Variants in GRM5 observed in about 807,000 individuals in gnomAD.
GRM5 encodes glutamate metabotropic receptor 5.
In GRM5, 19 loss-of-function variants were observed where a neutral mutation model predicts 83.1. The observed-to-expected ratio is 0.23, with a 90% CI of 0.16 to 0.34. GRM5 has a LOEUF of 0.34. GRM5 is among the 10% of genes least tolerant of loss of function. The pLI is 1.00. For missense variants in GRM5, 1,160 were observed against 1,588.3 expected (o/e 0.73, Z 4.58); for synonymous variants, 675 against 633.6 (o/e 1.07, Z -0.98).
intron 2 of GRM5, among the ~76,000 whole-genome samples, chr11:88,883,822 C>A (rs886222483): frequency 6.6e-6 from 1 of 152,038 alleles, no homozygotes; most frequent in Non-Finnish European, 1.5e-5. Flanking sequence ...CAGCCCCAAG[C>A]CTTGGCAACT....
In GRM5 at chr11:88,509,444, C is replaced by T. The variant is rs1200014113; in HGVS notation, c.2787G>A (p.Leu929=). ...QNEKSSRGQH[L]WQRLSIHINK... ...TGATGTGGATGGACAGGCGCTGCCA[C>T]AGGTGCTGCCCCCGGCTGCTCTTCT... is the stretch of plus-strand genomic sequence containing the variant. Residue 929 remains leucine, a synonymous_variant, in exon 10 of 10, where the codon CTG becomes CTA. Transcript: ENST00000305447. 6.2e-7 allele frequency: 1 copy of T among 1,612,858 alleles called. No individual in the cohort carries two copies. The highest frequency in any genetic ancestry group is 1.7e-5 in the Admixed American group (1 of 59,998).
intron 2 of GRM5, among the ~76,000 whole-genome samples, chr11:89,029,835 G>C (rs1216559518): frequency 6.6e-6 from 1 of 152,178 alleles, no homozygotes; most frequent in Non-Finnish European, 1.5e-5. Flanking sequence ...TCACGGTAAG[G>C]TGGTTAGCTG....
chr11:88,611,330 G>C (rs1424762500), intron 4 of GRM5, among the ~76,000 whole-genome samples: 1 of 152,110 alleles, frequency 6.6e-6, no homozygotes, highest in Non-Finnish European at 1.5e-5. Flanking sequence ...ATTTGGCTTT[G>C]ATTCTATTGG....
At chr11:89,019,759 G>A (rs1210402786) in intron 2 of GRM5, among the ~76,000 whole-genome samples, 1 of 151,966 alleles carries the variant, frequency 6.6e-6, no homozygotes, top group Non-Finnish European at 1.5e-5. Flanking sequence ...CCCAAATTTC[G>A]GAGTGGAAGG....
At position 88,912,221 on chromosome 11, in the gene GRM5, A is replaced by G. The variant is rs185225264; in HGVS notation, c.662-62066T>C. On this transcript the variant is annotated intron_variant, in intron 2 of 9. Coordinates refer to ENST00000305447, the MANE Select transcript of GRM5 (RefSeq NM_001143831.3). Reference sequence around the variant, plus strand: ...TTCCGCATCAAGATAATACATTTTTAAAAATGTACATACTTTGGTATAACT... The same window carrying G: ...TTCCGCATCAAGATAATACATTTTTGAAAATGTACATACTTTGGTATAACT... 4.6e-3 allele frequency: 869 copies of G among 187,818 alleles called. 3 individuals are homozygous for G. The highest frequency in any genetic ancestry group is 0.013 in the Middle Eastern group (9 of 670). 11.6% of individuals were successfully genotyped at this position (187,818 alleles called of 1,614,324 possible).
chr11:88,550,791 G>C (rs1942490105), intron 8 of GRM5, among the ~76,000 whole-genome samples: 1 of 152,092 alleles, frequency 6.6e-6, no homozygotes, highest in African/African-American at 2.4e-5. Flanking sequence ...TCTCAATACT[G>C]ACATTTCATT....
At chr11:88,798,147 T>A (rs1175916686) in intron 3 of GRM5, among the ~76,000 whole-genome samples, 1 of 152,210 alleles carries the variant, frequency 6.6e-6, no homozygotes, top group Non-Finnish European at 1.5e-5. Context: ...ATGGAAATTA[T>A]CTTTCTGAGA....
intron 3 of GRM5, among the ~76,000 whole-genome samples, chr11:88,844,451 C>T (rs530610955): frequency 5.9e-5 from 9 of 151,936 alleles, no homozygotes; most frequent in Non-Finnish European, 1.2e-4. Flanking sequence ...ATGTGCCCGG[C>T]CAGCCAGGAG....
At chr11:88,686,275 T>G (rs1243479861) in intron 3 of GRM5, among the ~76,000 whole-genome samples, 8 of 152,170 alleles carry the variant, frequency 5.3e-5, no homozygotes, top group Admixed American at 5.2e-4. Context: ...GCATCGGCCC[T>G]GTAACCACTT....
intron 5 of GRM5, among the ~76,000 whole-genome samples, chr11:88,598,445 T>A (rs1363613613): frequency 6.6e-6 from 1 of 152,202 alleles, no homozygotes; most frequent in East Asian, 1.9e-4. Flanking sequence ...GTAGTTTTTT[T>A]TTTTCTTCAG....
At chr11:89,014,204 C>T (rs1940788380) in intron 2 of GRM5, among the ~76,000 whole-genome samples, 1 of 152,072 alleles carries the variant, frequency 6.6e-6, no homozygotes, top group Non-Finnish European at 1.5e-5. Context: ...CTTTTCTTTT[C>T]ACAATTGTTG....
intron 2 of GRM5, among the ~76,000 whole-genome samples, chr11:88,872,931 A>G (rs1944794305): frequency 1.1e-5 from 1 of 87,716 alleles, no homozygotes; most frequent in African/African-American, 4.3e-5. Context: ...AATGAATTAA[A>G]AAAAAAAAGA....
intron 4 of GRM5, among the ~76,000 whole-genome samples, chr11:88,607,383 T>C (rs1938183589): frequency 6.6e-6 from 1 of 152,182 alleles, no homozygotes; most frequent in African/African-American, 2.4e-5. Context: ...TTAGACTACT[T>C]AGCACTAATC....
At chr11:88,595,483 A>C (rs1223510419) in intron 6 of GRM5, among the ~76,000 whole-genome samples, 1 of 152,144 alleles carries the variant, frequency 6.6e-6, no homozygotes, top group East Asian at 1.9e-4. Context: ...TTGCACATAT[A>C]AGTGAGAACA....
intron 3 of GRM5, among the ~76,000 whole-genome samples, chr11:88,786,482 G>T (rs1024211207): frequency 6.6e-6 from 1 of 152,032 alleles, no homozygotes; most frequent in Non-Finnish European, 1.5e-5. Flanking sequence ...ACTCTCTTTA[G>T]CTTTTTGAAC....
At chr11:88,519,210 G>C (rs1363689764) in intron 9 of GRM5, among the ~76,000 whole-genome samples, 3 of 151,670 alleles carry the variant, frequency 2.0e-5, no homozygotes, top group African/African-American at 7.3e-5. Flanking sequence ...AAGATGGATA[G>C]AAAGAGAAAT....
At chr11:88,512,765 A>G (rs1053491469) in intron 9 of GRM5, among the ~76,000 whole-genome samples, 3 of 152,250 alleles carry the variant, frequency 2.0e-5, no homozygotes, top group Non-Finnish European at 4.4e-5. Context: ...AAGAGCTGGT[A>G]AAGAGAAGGT....
At chr11:89,009,930 A>ACC (rs1940650619) in intron 2 of GRM5, among the ~76,000 whole-genome samples, 3 of 100,122 alleles carry the variant, frequency 3.0e-5, no homozygotes, top group African/African-American at 9.2e-5. Flanking sequence ...AAAAAAAAAA[A>ACC]CACACACAAA....
chr11:88,730,168 T>G (rs1941775356), intron 3 of GRM5, among the ~76,000 whole-genome samples: 1 of 151,988 alleles, frequency 6.6e-6, no homozygotes, highest in Non-Finnish European at 1.5e-5. Context: ...TACAAAGAAC[T>G]CAAACAAATT....
Sources: allele counts gnomAD v4.1 joint callset (sites outside exome capture counted in the v4.1 genomes callset), GRCh38; gene constraint gnomAD v4.1.1; transcripts MANE v1.5; gene names NCBI Gene and HGNC (gene_info 2026-07-23, HGNC 2026-07-21).